The following SNTG2 variants were observed in gnomAD, a reference collection of about 807,000 sequenced individuals.
SNTG2 encodes gamma-2-syntrophin.
A neutral mutation model predicts 70.9 loss-of-function variants in SNTG2; 74 were observed. The observed-to-expected ratio is 1.04, with a 90% CI of 0.86 to 1.27. The LOEUF (loss-of-function observed/expected upper bound fraction) is 1.27. SNTG2 is among the 50% of genes most tolerant of loss of function. The probability of loss-of-function intolerance (pLI) is 0.00; values close to 1 mark genes in which losing one functional copy is unlikely to be tolerated. For synonymous variants in SNTG2, 278 were observed against 273.8 expected (o/e 1.02, Z -0.15); for missense variants, 717 against 690.7 (o/e 1.04, Z -0.43).
intron 1 of SNTG2, among the ~76,000 whole-genome samples, chr2:1,030,345 C>T (rs1178907319): frequency 1.3e-5 from 2 of 152,078 alleles, no homozygotes; most frequent in African/African-American, 2.4e-5. Flanking sequence ...CCCTGGGCCA[C>T]ATGATCTTAA....
intron 9 of SNTG2, among the ~76,000 whole-genome samples, chr2:1,236,791 ACACT>A (rs763799082): frequency 3.9e-4 from 60 of 152,220 alleles, no homozygotes; most frequent in Non-Finnish European, 5.1e-4. Context: ...AGCAGCGATG[ACACT>A]CACATTTGAA....
At chr2:1,228,027 T>G (rs933173191) in intron 9 of SNTG2, among the ~76,000 whole-genome samples, 7 of 152,142 alleles carry the variant, frequency 4.6e-5, no homozygotes, top group African/African-American at 1.4e-4. Flanking sequence ...TGTCCAGGCC[T>G]TTCTGCGACT....
chr2:1,111,437 C>G (rs1666433551), intron 4 of SNTG2, among the ~76,000 whole-genome samples: 1 of 152,130 alleles, frequency 6.6e-6, no homozygotes. Context: ...ATTAGGACCG[C>G]AGGTGTGCAG....
chr2:1,236,459 C>T (rs530555976), intron 9 of SNTG2, among the ~76,000 whole-genome samples: 1 of 152,236 alleles, frequency 6.6e-6, no homozygotes, highest in Non-Finnish European at 1.5e-5. Context: ...ATGCAGGGGA[C>T]CTGCTTCCTC....
At chr2:1,200,100 C>A (rs1197307267) in intron 8 of SNTG2, among the ~76,000 whole-genome samples, 1 of 151,606 alleles carries the variant, frequency 6.6e-6, no homozygotes, top group East Asian at 1.9e-4. Flanking sequence ...GCAAAAAGGG[C>A]AGAATGACTT....
chr2:1,053,060 C>T (rs970514156), intron 1 of SNTG2, among the ~76,000 whole-genome samples: 5 of 152,162 alleles, frequency 3.3e-5, no homozygotes, highest in African/African-American at 1.2e-4. Context: ...AAATAACATA[C>T]TCTGACTTCA....
chr2:1,034,115 T>TC (rs1660997993), intron 1 of SNTG2, among the ~76,000 whole-genome samples: 1 of 152,106 alleles, frequency 6.6e-6, no homozygotes, highest in African/African-American at 2.4e-5. Flanking sequence ...GCATTTTTTT[T>TC]CTGATCTTCT....
At chr2:999,148 C>T (rs541981257) in intron 1 of SNTG2, among the ~76,000 whole-genome samples, 29 of 152,004 alleles carry the variant, frequency 1.9e-4, no homozygotes, top group East Asian at 5.8e-4. Context: ...GAGTTCTAAA[C>T]GTGGAAACAA....
chr2:1,264,944 A>G (rs933529028), intron 13 of SNTG2, among the ~76,000 whole-genome samples: 2 of 152,180 alleles, frequency 1.3e-5, no homozygotes, highest in Non-Finnish European at 2.9e-5. Flanking sequence ...GTTATTAGTA[A>G]AGCTTCTGAT....
In SNTG2 at chr2:1,043,197, T is replaced by C. The variant is rs889025263; in HGVS notation, c.73-40321T>C. ...TTGAGAAGTGCCTGTTCATGTCCTT[T>C]GCCCATTTTTAAAATGGGGTTGTTT... On this transcript the variant is annotated intron_variant, in intron 1 of 16. Coordinates refer to ENST00000308624, the MANE Select transcript of SNTG2 (RefSeq NM_018968.4). Among the ~76,000 whole-genome samples the C allele has an allele frequency of 2.0e-5, 3 of 152,236 alleles. No individual in the cohort carries two copies. The East Asian group carries it at 5.8e-4, about 29-fold the overall frequency.
At chr2:1,309,853 A>G (rs1196037597) in intron 15 of SNTG2, among the ~76,000 whole-genome samples, 1 of 152,238 alleles carries the variant, frequency 6.6e-6, no homozygotes, top group East Asian at 1.9e-4. Flanking sequence ...CAGAGTGGGA[A>G]GTAGCTTCAG....
At chr2:1,263,497 C>A (rs1678557044) in intron 13 of SNTG2, among the ~76,000 whole-genome samples, 1 of 150,442 alleles carries the variant, frequency 6.6e-6, no homozygotes, top group Admixed American at 6.7e-5. Flanking sequence ...GAATACAACC[C>A]TTTTTGTTTT....
intron 8 of SNTG2, among the ~76,000 whole-genome samples, chr2:1,208,001 C>T (rs1221402911): frequency 6.6e-6 from 1 of 152,208 alleles, no homozygotes. Context: ...CACTTCATGC[C>T]ACCCTTCTGA....
At chr2:1,088,083 C>A (rs114835021) in intron 2 of SNTG2, among the ~76,000 whole-genome samples, 2,363 of 152,202 alleles carry the variant, frequency 0.016, 57 homozygotes, top group African/African-American at 0.054. Flanking sequence ...TAAATTCTAA[C>A]CTTAATCTTT....
In SNTG2 at chr2:1,060,700, TAGTG is replaced by T. The variant is rs568027892; in HGVS notation, c.73-22814_73-22811del. Among the ~76,000 whole-genome samples, 279 of 152,252 alleles carry T rather than the reference TAGTG, an allele frequency of 1.8e-3. 1 individual carries two copies. Among genetic ancestry groups the T allele is most frequent in the South Asian group, 4.8e-3 (23 of 4,814 alleles). ...CTAAATTATAACTATTTGAATGAAA[TAGTG>T]AGTTTATACTGAAATAAGTGAATAA... On this transcript the variant is annotated intron_variant, in intron 1 of 16. Transcript: ENST00000308624.
intron 1 of SNTG2, among the ~76,000 whole-genome samples, chr2:1,031,080 G>T (rs962712096): frequency 6.6e-6 from 1 of 152,164 alleles, no homozygotes; most frequent in South Asian, 2.1e-4. Flanking sequence ...GTTCTGAGAG[G>T]AATCCCAAAT....
chr2:1,299,335 A>G (rs139540635), intron 14 of SNTG2, among the ~76,000 whole-genome samples: 3 of 152,304 alleles, frequency 2.0e-5, no homozygotes, highest in Non-Finnish European at 4.4e-5. Flanking sequence ...TGGAGGCTGC[A>G]AGTCTGAGAT....
At chr2:1,112,813 G>A (rs1323924138) in intron 4 of SNTG2, among the ~76,000 whole-genome samples, 2 of 137,986 alleles carry the variant, frequency 1.4e-5, no homozygotes, top group African/African-American at 2.7e-5. Flanking sequence ...CCTTGCAGTC[G>A]TTTGAGAAGG....
chr2:1,029,553 A>G (rs10201045), intron 1 of SNTG2, among the ~76,000 whole-genome samples: 125,835 of 152,246 alleles, frequency 0.83, 53,104 homozygotes, highest in African/African-American at 0.95. Flanking sequence ...CTAATCAGCA[A>G]TGTTGTCCTG....
Sources: gnomAD v4.1 joint callset for allele counts (sites outside exome capture counted in the v4.1 genomes callset) on GRCh38, gnomAD v4.1.1 for gene constraint, MANE v1.5 for transcripts, NCBI Gene and HGNC (gene_info 2026-07-23, HGNC 2026-07-21) for gene names.